Variants in GALNTL6 observed in about 807,000 individuals in gnomAD.
The protein encoded by GALNTL6 is polypeptide N-acetylgalactosaminyltransferase-like 6.
Under a neutral mutation model 73.7 loss-of-function variants are expected in GALNTL6, and 46 were observed. The observed-to-expected ratio is 0.62, with a 90% CI of 0.49 to 0.80. The LOEUF (loss-of-function observed/expected upper bound fraction) is 0.80, where lower values mean the gene tolerates loss of function less well. GALNTL6 is among the 30% of genes least tolerant of loss of function. The pLI is 0.00. For synonymous variants in GALNTL6, 259 were observed against 263.7 expected, an observed-to-expected ratio of 0.98 and a Z score of 0.17; for missense variants, 604 against 755.0, an observed-to-expected ratio of 0.80 and a Z score of 2.34.
rs558836864 is a variant in GALNTL6 at position 172,942,283 on chromosome 4, TC to T, written c.1150-9753del. Among the ~76,000 whole-genome samples, 422 of 152,290 alleles carry T rather than the reference TC, an allele frequency of 2.8e-3. 1 individual carries two copies. The highest frequency in any genetic ancestry group is 4.5e-3 in the Non-Finnish European group (308 of 68,030). Reference sequence around the variant, plus strand: ...ATTTTATTTTCTGCCTGTTTGAAAGTCTGGGAAATAAAACAAGGTCTATTAA... The same window carrying T: ...ATTTTATTTTCTGCCTGTTTGAAAGTTGGGAAATAAAACAAGGTCTATTAA... On this transcript the variant is annotated intron_variant, in intron 9 of 12. Transcript: ENST00000506823.
At chr4:172,213,400 GTTGCTT>G (rs1374966032) in intron 2 of GALNTL6, among the ~76,000 whole-genome samples, 1 of 152,130 alleles carries the variant, frequency 6.6e-6, no homozygotes, top group Non-Finnish European at 1.5e-5. Flanking sequence ...GAGAATTCCT[GTTGCTT>G]TACGTCCTCC....
At chr4:171,836,040 C>T (rs1347087888) in intron 2 of GALNTL6, among the ~76,000 whole-genome samples, 1 of 151,338 alleles carries the variant, frequency 6.6e-6, no homozygotes, top group Non-Finnish European at 1.5e-5. Flanking sequence ...ATGATACTAT[C>T]ACTTAGCCAT....
Position 171,974,584 on chromosome 4 carries a change from A to G in GALNTL6, c.138+159866A>G, listed in dbSNP as rs571681477. On this transcript the variant is annotated intron_variant, in intron 2 of 12. Coordinates refer to ENST00000506823, the MANE Select transcript of GALNTL6 (RefSeq NM_001034845.3). ...ATTGGACACATGCTATTCATTTCTC[A>G]ATTTTATTTTTACCTTTAGACAAAA... 7.2e-5 allele frequency among the ~76,000 whole-genome samples: 11 copies of G among 152,324 alleles called. No individual in the cohort carries two copies. The South Asian group carries it at 1.2e-3, about 17-fold the overall frequency.
chr4:172,005,912 T>A (rs1740827209), intron 2 of GALNTL6, among the ~76,000 whole-genome samples: 1 of 152,186 alleles, frequency 6.6e-6, no homozygotes, highest in Non-Finnish European at 1.5e-5. Flanking sequence ...TTGGTTCACC[T>A]TTTCTTCAAT....
rs572353812 is a variant in GALNTL6, at chr4:172,556,186, G to A, written c.553+207497G>A. 3.0e-4 allele frequency among the ~76,000 whole-genome samples: 45 copies of A among 152,032 alleles called. No homozygotes were observed. In the South Asian group the frequency reaches 8.3e-3, roughly 28 times the overall value. ...AATATAGTGAAATAGGGTACTTAGC[G>A]TTTCCTAGTAGACCTGAGTACAAAA... is the stretch of plus-strand genomic sequence containing the variant. On this transcript the variant is annotated intron_variant, in intron 5 of 12. Coordinates refer to ENST00000506823, the MANE Select transcript of GALNTL6 (RefSeq NM_001034845.3).
chr4:172,316,894 G>C (rs186903536), intron 4 of GALNTL6, among the ~76,000 whole-genome samples: 66 of 152,266 alleles, frequency 4.3e-4, no homozygotes, highest in Non-Finnish European at 7.5e-4. Context: ...TAAGATGACT[G>C]ATCTCCGCAG....
At chr4:172,631,102 A>G (rs1000968970) in intron 5 of GALNTL6, among the ~76,000 whole-genome samples, 1 of 152,020 alleles carries the variant, frequency 6.6e-6, no homozygotes, top group Non-Finnish European at 1.5e-5. Flanking sequence ...TACTGATTGC[A>G]ACAAAACACA....
chr4:172,042,961 T>C (rs962489731), intron 2 of GALNTL6, among the ~76,000 whole-genome samples: 4 of 149,954 alleles, frequency 2.7e-5, no homozygotes, highest in African/African-American at 9.8e-5. Flanking sequence ...TGAAACACAG[T>C]GTTACAGACT....
At chr4:172,291,838 A>G (rs1232060518) in intron 3 of GALNTL6, among the ~76,000 whole-genome samples, 1 of 152,128 alleles carries the variant, frequency 6.6e-6, no homozygotes, top group East Asian at 1.9e-4. Flanking sequence ...TTATATTTTA[A>G]TAAAAGCAAT....
intron 2 of GALNTL6, among the ~76,000 whole-genome samples, chr4:172,048,970 C>T (rs1025963247): frequency 2.6e-5 from 4 of 152,038 alleles, no homozygotes; most frequent in Non-Finnish European, 4.4e-5. Context: ...TAATAGGAAG[C>T]TTGATAGAGT....
At chr4:172,031,328 T>A (rs1201470793) in intron 2 of GALNTL6, among the ~76,000 whole-genome samples, 1 of 152,022 alleles carries the variant, frequency 6.6e-6, no homozygotes, top group Non-Finnish European at 1.5e-5. Context: ...TCCATAACTT[T>A]AAAAAATGGT....
At chr4:172,184,439 C>T (rs1168357097) in intron 2 of GALNTL6, among the ~76,000 whole-genome samples, 2 of 152,064 alleles carry the variant, frequency 1.3e-5, no homozygotes, top group African/African-American at 4.8e-5. Context: ...GTCTCTATGT[C>T]TTCTGGCAGA....
At chr4:172,159,187 C>T (rs1734377483) in intron 2 of GALNTL6, among the ~76,000 whole-genome samples, 1 of 152,108 alleles carries the variant, frequency 6.6e-6, no homozygotes, top group Admixed American at 6.6e-5. Flanking sequence ...AGAGCATATA[C>T]TGGAATTCAA....
At chr4:172,895,467 G>T (rs1481404428) in intron 8 of GALNTL6, among the ~76,000 whole-genome samples, 2 of 150,868 alleles carry the variant, frequency 1.3e-5, no homozygotes, top group South Asian at 2.1e-4. Context: ...TAAGGTTTCT[G>T]CTAAGAAGCC....
intron 5 of GALNTL6, among the ~76,000 whole-genome samples, chr4:172,683,119 G>T (rs1312870148): frequency 2.6e-5 from 4 of 152,160 alleles, no homozygotes; most frequent in African/African-American, 9.7e-5. Context: ...TTGGGAGTTT[G>T]TTGAGACGTT....
chr4:172,496,993 T>C (rs1734090555), intron 5 of GALNTL6, among the ~76,000 whole-genome samples: 1 of 152,184 alleles, frequency 6.6e-6, no homozygotes, highest in East Asian at 1.9e-4. Flanking sequence ...AGTTTGAAAA[T>C]AAAATGTAAA....
chr4:172,779,464 T>C (rs1299955032), intron 5 of GALNTL6, among the ~76,000 whole-genome samples: 2 of 152,202 alleles, frequency 1.3e-5, no homozygotes, highest in African/African-American at 4.8e-5. Flanking sequence ...ACATCATGTT[T>C]AGAGCTTCTA....
chr4:171,865,104 C>G (rs900309779), intron 2 of GALNTL6, among the ~76,000 whole-genome samples: 1 of 151,896 alleles, frequency 6.6e-6, no homozygotes, highest in Admixed American at 6.6e-5. Context: ...CGAGATCACG[C>G]CATTGCACTC....
intron 2 of GALNTL6, among the ~76,000 whole-genome samples, chr4:171,995,894 G>T (rs1195079105): frequency 6.6e-6 from 1 of 151,988 alleles, no homozygotes; most frequent in African/African-American, 2.4e-5. Flanking sequence ...AGTAACATCT[G>T]ACAAAAGTTG....
Sources: allele counts gnomAD v4.1 joint callset (sites outside exome capture counted in the v4.1 genomes callset), GRCh38; gene constraint gnomAD v4.1.1; transcripts MANE v1.5; gene names NCBI Gene and HGNC (gene_info 2026-07-23, HGNC 2026-07-21).